Variants in TET1 observed in about 807,000 individuals in gnomAD.
The protein encoded by TET1 is methylcytosine dioxygenase TET1.
In TET1, 13 loss-of-function variants were observed where a neutral mutation model predicts 148.7. The observed-to-expected ratio is 0.09, with a 90% CI of 0.06 to 0.14. TET1 has a LOEUF of 0.14. Among genes scored for constraint, TET1 ranks in the 10% least tolerant of loss-of-function variants. The pLI, the probability that TET1 is intolerant of heterozygous loss-of-function variation, is 1.00. For synonymous variants in TET1, 907 were observed against 937.2 expected, an observed-to-expected ratio of 0.97 and a Z score of 0.59; for missense variants, 2,182 against 2,553.8, an observed-to-expected ratio of 0.85 and a Z score of 3.14.
intron 8 of TET1, among the ~76,000 whole-genome samples, chr10:68,680,375 C>T (rs1291244331): frequency 6.6e-6 from 1 of 152,230 alleles, no homozygotes. Context: ...AGATCTGGCT[C>T]TGTCACCCAG....
Position 68,693,119 on chromosome 10 carries a change from T to G in TET1, c.*1305T>G, listed in dbSNP as rs943906526. On this transcript the variant is annotated 3_prime_UTR_variant, in exon 12 of 12. Coordinates refer to ENST00000373644, the MANE Select transcript of TET1 (RefSeq NM_030625.3). ...ATTTGGGAAAATGATAACTCATCTTTTCTGATAATTGCCTATGTTCTAGGT... is the reference window on the plus strand; with the variant it reads ...ATTTGGGAAAATGATAACTCATCTTGTCTGATAATTGCCTATGTTCTAGGT... The G allele has an allele frequency of 3.0e-5, 7 of 230,654 alleles. No homozygotes were observed. The highest frequency in any genetic ancestry group is 5.1e-5 in the Non-Finnish European group (6 of 117,328). 14.3% of individuals were successfully genotyped at this position (230,654 alleles called of 1,614,324 possible).
Position 68,573,495 on chromosome 10 carries a change from G to A in TET1, c.1157G>A (p.Gly386Asp). ...CTTCCTGGTGCTGACCCAGTTCATG[G>A]TGAGGCCCTGGGTGAGACCCCAGAT... ...WELPGADPVH[G>D]EALGETPDLP... Residue 386 changes from glycine (G) to aspartate (D), a missense_variant, in exon 2 of 12, where the codon GGT becomes GAT. Physicochemically the swap from Gly to Asp is moderately conservative, Grantham distance 94. This residue lies in a region of TET1 where 665 missense variants were observed against 672.4 expected (regional missense o/e 0.99). Transcript: ENST00000373644. The A allele has an allele frequency of 6.2e-7, 1 of 1,614,114 alleles. No homozygotes were observed.
rs539158329 is a variant in TET1 at position 68,660,805 on chromosome 10, T to C, written c.4462-6240T>C. Among the ~76,000 whole-genome samples the C allele has an allele frequency of 3.4e-5, 5 of 148,332 alleles. No individual in the cohort carries two copies. In the South Asian group the frequency reaches 1.1e-3, roughly 32 times the overall value. The stretch of plus-strand genomic sequence containing the variant: ...CCTCCCAAGTAGATGGTATTACAGG[T>C]GCCCACCACCAAGCTCGACTAATTT... On this transcript the variant is annotated intron_variant, in intron 6 of 11. Coordinates refer to ENST00000373644, the MANE Select transcript of TET1 (RefSeq NM_030625.3).
chr10:68,661,882 T>C lies in TET1; in HGVS notation c.4462-5163T>C, dbSNP rs1267411210. 7.4e-4 allele frequency among the ~76,000 whole-genome samples: 7 copies of C among 9,440 alleles called. No individual in the cohort carries two copies. In the East Asian group the frequency reaches 0.045, roughly 61 times the overall value. The allele number at this position is 9,440 out of a possible 152,430, so 6.2% of individuals were successfully genotyped here. A position where few individuals can be genotyped will look rare whatever the true frequency, so the allele number is the denominator to read the frequency against. On this transcript the variant is annotated intron_variant, in intron 6 of 11. Transcript: ENST00000373644. ...TTAATTTAAAAAAAATTTTTTTTCT[T>C]TTTTTTTTTTTTTTGTGAGATGGAG... is the stretch of plus-strand genomic sequence containing the variant.
intron 3 of TET1, among the ~76,000 whole-genome samples, chr10:68,643,316 C>T (rs2133077394): frequency 6.7e-6 from 1 of 148,232 alleles, no homozygotes; most frequent in East Asian, 2.0e-4. Flanking sequence ...ATAGCAGTTA[C>T]TCTAAAGACC....
At chr10:68,592,534 A>G (rs2053930466) in intron 2 of TET1, among the ~76,000 whole-genome samples, 1 of 152,200 alleles carries the variant, frequency 6.6e-6, no homozygotes, top group Admixed American at 6.5e-5. Flanking sequence ...AAAGGCTGGC[A>G]TCTCTTCATA....
intron 3 of TET1, among the ~76,000 whole-genome samples, chr10:68,628,791 G>A (rs2054526279): frequency 6.6e-6 from 1 of 152,166 alleles, no homozygotes; most frequent in South Asian, 2.1e-4. Context: ...CAGACCTAAG[G>A]AAATCATGCA....
intron 3 of TET1, among the ~76,000 whole-genome samples, chr10:68,603,636 C>T (rs1954278): frequency 0.62 from 93,685 of 151,776 alleles, 29,009 homozygotes; most frequent in Middle Eastern, 0.67. Flanking sequence ...CTGGGTGCGA[C>T]GGTGTGCACT....
At chr10:68,604,665 G>C (rs1247425998) in intron 3 of TET1, among the ~76,000 whole-genome samples, 1 of 152,200 alleles carries the variant, frequency 6.6e-6, no homozygotes, top group African/African-American at 2.4e-5. Flanking sequence ...GTACACGCTG[G>C]TCAGCCTTCT....
chr10:68,610,251 C>G (rs890830448), intron 3 of TET1, among the ~76,000 whole-genome samples: 1 of 151,972 alleles, frequency 6.6e-6, no homozygotes, highest in African/African-American at 2.4e-5. Flanking sequence ...CCACTGCACT[C>G]CAGCCTGGGT....
At position 68,692,784 on chromosome 10, in the gene TET1, T is replaced by A. The variant is rs1268151472; in HGVS notation, c.*970T>A. 1.3e-5 allele frequency: 3 copies of A among 231,374 alleles called. No homozygotes were observed. Among genetic ancestry groups the A allele is most frequent in the Non-Finnish European group, 2.6e-5 (3 of 117,034 alleles). 14.3% of individuals were successfully genotyped at this position (231,374 alleles called of 1,614,324 possible). On this transcript the variant is annotated 3_prime_UTR_variant, in exon 12 of 12. Coordinates refer to ENST00000373644, the MANE Select transcript of TET1 (RefSeq NM_030625.3). ...ATTGAACAACCTCAATTTAGTTTCA[T>A]CCCACCTTTCTCAGTATAATCCATG...
chr10:68,644,841 C>T lies in TET1; in HGVS notation c.2112C>T (p.Gly704=), dbSNP rs1475617263. Residue 704 remains glycine, a synonymous_variant, in exon 4 of 12, where the codon GGC becomes GGT. Coordinates refer to ENST00000373644, the MANE Select transcript of TET1 (RefSeq NM_030625.3). ...CTAAAAATGAAGACAGCATGACAGG[C>T]ATCGAGGTGGAGAAGTGGACACAAA... ...NVTKNEDSMT[G]IEVEKWTQNK... 10 of 1,613,834 alleles carry T rather than the reference C, an allele frequency of 6.2e-6. No individual in the cohort carries two copies. The highest frequency in any genetic ancestry group is 8.5e-6 in the Non-Finnish European group (10 of 1,179,920).
chr10:68,632,665 A>T lies in TET1; in HGVS notation c.1969-12033A>T, dbSNP rs540877658. ...TGCCAGAGAAGAAATTAAAAAGAAG[A>T]TATTATATGAAGGTACCCACCTCGA... On this transcript the variant is annotated intron_variant, in intron 3 of 11. Coordinates refer to ENST00000373644, the MANE Select transcript of TET1 (RefSeq NM_030625.3). The T allele has an allele frequency of 5.6e-6, 9 of 1,599,330 alleles. No individual in the cohort carries two copies. The East Asian group carries it at 6.7e-5, about 12-fold the overall frequency.
At position 68,687,280 on chromosome 10, in the gene TET1, C is replaced by T. The variant is rs138843316; in HGVS notation, c.5404+573C>T. On this transcript the variant is annotated intron_variant, in intron 11 of 11. Transcript: ENST00000373644. ...GGTCTCACTTTATTGCCCAGGCTGG[C>T]TTGGCACGCCTTGGCTTAAGCAATA... Among the ~76,000 whole-genome samples, 624 of 152,100 alleles carry T rather than the reference C, an allele frequency of 4.1e-3. 4 individuals carry two copies. The highest frequency in any genetic ancestry group is 0.014 in the African/African-American group (586 of 41,480).
intron 3 of TET1, among the ~76,000 whole-genome samples, chr10:68,622,816 G>A (rs565375791): frequency 6.6e-6 from 1 of 152,058 alleles, no homozygotes; most frequent in South Asian, 2.1e-4. Context: ...TTCCCTCAAA[G>A]GACCCTCCCG....
At chr10:68,681,705 GC>G in intron 9 of TET1, among the ~76,000 whole-genome samples, 1 of 152,044 alleles carries the variant, frequency 6.6e-6, no homozygotes, top group Non-Finnish European at 1.5e-5. Flanking sequence ...GTTAGCTCAC[GC>G]CTGTAATCCC....
At chr10:68,632,834 G>GT (rs1449754603) in intron 3 of TET1, 1 of 304,224 alleles carries the variant, frequency 3.3e-6, no homozygotes, top group African/African-American at 2.8e-5. Context: ...AGTTTAAGTT[G>GT]TAAAAAAAAA....
chr10:68,607,293 C>G (rs932538735), intron 3 of TET1, among the ~76,000 whole-genome samples: 1 of 151,832 alleles, frequency 6.6e-6, no homozygotes, highest in Non-Finnish European at 1.5e-5. Flanking sequence ...CATACTGTTT[C>G]TGAGTTGTAC....
intron 10 of TET1, 31 bp downstream of exon 10, chr10:68,683,004 A>C: frequency 6.2e-7 from 1 of 1,610,862 alleles, no homozygotes; most frequent in Non-Finnish European, 8.5e-7. Context: ...GTATTCTAAA[A>C]GCTCCATCAC....
Sources: gnomAD v4.1 joint callset for allele counts (sites outside exome capture counted in the v4.1 genomes callset) on GRCh38, gnomAD v4.1.1 for gene constraint, gnomAD v4.1.1 regional missense constraint, MANE v1.5 for transcripts, NCBI Gene and HGNC (gene_info 2026-07-23, HGNC 2026-07-21) for gene names.